The following OSBPL2 variants were observed in gnomAD, a reference collection of about 807,000 sequenced individuals.
OSBPL2 encodes the protein oxysterol-binding protein-related protein 2.
In OSBPL2, 18 loss-of-function variants were observed where a neutral mutation model predicts 58.4. That is an observed-to-expected ratio of 0.31 (90% CI 0.21 to 0.46). OSBPL2 has a LOEUF of 0.46. Ranked by LOEUF, OSBPL2 falls within the 20% of genes least tolerant of loss-of-function variation. The pLI, the probability that OSBPL2 is intolerant of heterozygous loss-of-function variation, is 1.00. For synonymous variants in OSBPL2, 221 were observed against 234.1 expected (o/e 0.94, Z 0.51); for missense variants, 461 against 616.5 (o/e 0.75, Z 2.67).
chr20:62,260,361 A>C (rs993641282), intron 3 of OSBPL2, among the ~76,000 whole-genome samples: 2 of 152,106 alleles, frequency 1.3e-5, no homozygotes, highest in Admixed American at 6.5e-5. Flanking sequence ...GCCTTTCCCC[A>C]TCTAAGAAAT....
At chr20:62,247,050 A>T (rs1331001994) in intron 1 of OSBPL2, among the ~76,000 whole-genome samples, 1 of 152,168 alleles carries the variant, frequency 6.6e-6, no homozygotes, top group African/African-American at 2.4e-5. Flanking sequence ...GAAGTCCTGC[A>T]GGGATGTGAC....
chr20:62,271,688 G>T, intron 4 of OSBPL2: 1 of 172,626 alleles, frequency 5.8e-6, no homozygotes, highest in Non-Finnish European at 1.2e-5. Flanking sequence ...CTGACCTCAA[G>T]GGATCCACCC....
chr20:62,289,179 G>C, intron 11 of OSBPL2, 28 bp from the exon 12 acceptor site: 1 of 1,612,566 alleles, frequency 6.2e-7, no homozygotes, highest in Non-Finnish European at 8.5e-7. Flanking sequence ...GCCCTGCTGA[G>C]GTCGTGTCTC....
chr20:62,259,974 C>G lies in OSBPL2; in HGVS notation c.38-7C>G, dbSNP rs769455624. ...AGCGAAAATGACCATTTTCTTGTCT[C>G]GCACAGGCTTTGATTCTGATAACTC... On this transcript the variant is annotated splice_polypyrimidine_tract_variant and splice_region_variant and intron_variant, in intron 2 of 13. Transcript: ENST00000313733. The G allele has an allele frequency of 1.2e-6, 2 of 1,611,342 alleles. No homozygotes were observed.
intron 6 of OSBPL2, among the ~76,000 whole-genome samples, chr20:62,273,668 G>A (rs1982212917): frequency 1.3e-5 from 2 of 152,188 alleles, no homozygotes; most frequent in South Asian, 2.1e-4. Context: ...TGGAGATAGC[G>A]CGCACTGTAG....
intron 5 of OSBPL2, 28 bp from the exon 6 acceptor site, chr20:62,273,281 G>T: frequency 6.3e-7 from 1 of 1,584,892 alleles, no homozygotes; most frequent in South Asian, 1.1e-5. Context: ...CTGAAGCTGT[G>T]CCTGTCCCCC....
intron 8 of OSBPL2, chr20:62,281,538 T>G: frequency 3.8e-6 from 2 of 520,688 alleles, no homozygotes; most frequent in Non-Finnish European, 6.9e-6. Context: ...TTTAGTGAGG[T>G]ATAATCGATG....
chr20:62,252,190 T>C (rs534042531), intron 1 of OSBPL2, among the ~76,000 whole-genome samples: 1 of 152,090 alleles, frequency 6.6e-6, no homozygotes, highest in South Asian at 2.1e-4. Flanking sequence ...GGCCAGTATG[T>C]CTTTTTTTTA....
At chr20:62,253,378 C>G (rs752451060) in intron 1 of OSBPL2, among the ~76,000 whole-genome samples, 4 of 152,220 alleles carry the variant, frequency 2.6e-5, no homozygotes, top group Non-Finnish European at 4.4e-5. Flanking sequence ...TTTTTAGGAT[C>G]TTAGGAACTC....
At chr20:62,275,253 G>A (rs932035562) in intron 6 of OSBPL2, among the ~76,000 whole-genome samples, 1 of 152,130 alleles carries the variant, frequency 6.6e-6, no homozygotes, top group African/African-American at 2.4e-5. Flanking sequence ...TTTTGTGTGT[G>A]TTTCAAAATA....
At chr20:62,266,491 T>TCGTTCTGGATC (rs1981667935) in intron 4 of OSBPL2, among the ~76,000 whole-genome samples, 1 of 152,120 alleles carries the variant, frequency 6.6e-6, no homozygotes, top group South Asian at 2.1e-4. Context: ...TGGCTGTGGC[T>TCGTTCTGGATC]CGTTCTGGAT....
At chr20:62,254,629 C>T (rs546001417) in intron 1 of OSBPL2, among the ~76,000 whole-genome samples, 6 of 152,372 alleles carry the variant, frequency 3.9e-5, no homozygotes, top group South Asian at 2.1e-4. Flanking sequence ...CGGGATGAGC[C>T]GCTTGAGGGG....
chr20:62,280,128 T>C lies in OSBPL2; in HGVS notation c.674+789T>C, dbSNP rs1192372126. ...TGGGCCACCAGTTCTGAGACGTGAGTCTTGCCAAGCCACTGCCTGCAGTCT... is the reference window on the plus strand; with the variant it reads ...TGGGCCACCAGTTCTGAGACGTGAGCCTTGCCAAGCCACTGCCTGCAGTCT... On this transcript the variant is annotated intron_variant, in intron 7 of 13. Transcript: ENST00000313733. 9.2e-6 allele frequency: 12 copies of C among 1,302,982 alleles called. No individual in the cohort carries two copies. In the African/African-American group the frequency reaches 1.4e-4, roughly 15 times the overall value. 80.7% of individuals were successfully genotyped at this position (1,302,982 alleles called of 1,614,324 possible). A position where few individuals can be genotyped will look rare whatever the true frequency, so the allele number is the denominator to read the frequency against.
intron 7 of OSBPL2, among the ~76,000 whole-genome samples, chr20:62,280,598 C>A (rs937892884): frequency 2.6e-5 from 4 of 152,208 alleles, no homozygotes; most frequent in Admixed American, 2.6e-4. Context: ...GTGTTTTCTT[C>A]TTGGGCAGGG....
chr20:62,256,295 G>C, intron 2 of OSBPL2, 74 bp downstream of exon 2: 1 of 1,384,556 alleles, frequency 7.2e-7, no homozygotes, highest in Non-Finnish European at 1.0e-6. Context: ...TGGACCTGGC[G>C]TTTGGGGTGT....
At chr20:62,265,706 T>C (rs1231252634) in intron 4 of OSBPL2, among the ~76,000 whole-genome samples, 1 of 152,282 alleles carries the variant, frequency 6.6e-6, no homozygotes, top group Non-Finnish European at 1.5e-5. Context: ...TTTTTTTCTC[T>C]TTTCTGCAAT....
intron 1 of OSBPL2, among the ~76,000 whole-genome samples, chr20:62,254,346 G>A (rs1226911715): frequency 6.6e-6 from 1 of 152,266 alleles, no homozygotes; most frequent in East Asian, 1.9e-4. Flanking sequence ...TCCTCAGGAA[G>A]CCCTGGCTCC....
At chr20:62,253,102 C>T (rs941825715) in intron 1 of OSBPL2, among the ~76,000 whole-genome samples, 6 of 152,226 alleles carry the variant, frequency 3.9e-5, no homozygotes, top group South Asian at 2.1e-4. Flanking sequence ...CATCTCTCCC[C>T]GGGAGGCACC....
At chr20:62,276,176 C>G (rs764883966) in intron 6 of OSBPL2, among the ~76,000 whole-genome samples, 1 of 152,208 alleles carries the variant, frequency 6.6e-6, no homozygotes, top group Non-Finnish European at 1.5e-5. Flanking sequence ...CTTGGCCTCC[C>G]AAAGTGCTGG....
Sources: allele counts gnomAD v4.1 joint callset (sites outside exome capture counted in the v4.1 genomes callset), GRCh38; gene constraint gnomAD v4.1.1; transcripts MANE v1.5; gene names NCBI Gene and HGNC (gene_info 2026-07-23, HGNC 2026-07-21).